The following PRDM6 variants were observed in gnomAD, a reference collection of about 807,000 sequenced individuals.
The protein encoded by PRDM6 is PR/SET domain 6, also known as putative histone-lysine N-methyltransferase PRDM6.
In PRDM6, 25 loss-of-function variants were observed where a neutral mutation model predicts 60.8. The ratio of observed to expected loss-of-function variants is 0.41; its 90% CI spans 0.30 to 0.57. The LOEUF is 0.57. PRDM6 is among the 20% of genes least tolerant of loss of function. The pLI is 0.27. For synonymous variants in PRDM6, 407 were observed against 357.4 expected (o/e 1.14, Z -1.57); for missense variants, 839 against 821.3 (o/e 1.02, Z -0.26).
At chr5:123,097,671 T>G (rs1396501616) in intron 2 of PRDM6, among the ~76,000 whole-genome samples, 3 of 152,182 alleles carry the variant, frequency 2.0e-5, no homozygotes, top group Non-Finnish European at 2.9e-5. Flanking sequence ...GTGAAGTGTG[T>G]GTGTTTCAGA....
At chr5:123,171,703 C>T (rs1456955459) in intron 6 of PRDM6, among the ~76,000 whole-genome samples, 1 of 152,054 alleles carries the variant, frequency 6.6e-6, no homozygotes, top group East Asian at 1.9e-4. Flanking sequence ...GACTAGATAC[C>T]TCAGAGTCAA....
At chr5:123,128,114 C>T (rs1436440189) in intron 3 of PRDM6, among the ~76,000 whole-genome samples, 2 of 152,192 alleles carry the variant, frequency 1.3e-5, no homozygotes, top group African/African-American at 4.8e-5. Context: ...TTTTTAATGG[C>T]TGCACAGTAT....
chr5:123,125,106 C>T (rs1182447889), intron 3 of PRDM6, among the ~76,000 whole-genome samples: 6 of 148,692 alleles, frequency 4.0e-5, no homozygotes, highest in Non-Finnish European at 8.9e-5. Flanking sequence ...TCTGAAAACC[C>T]TCCTAGTACC....
chr5:123,104,550 T>G (rs1403066188), intron 3 of PRDM6, among the ~76,000 whole-genome samples: 1 of 152,188 alleles, frequency 6.6e-6, no homozygotes, highest in Non-Finnish European at 1.5e-5. Context: ...CGCAGTTATA[T>G]TGAAGTAAAA....
chr5:123,098,236 C>T (rs1391393119), intron 2 of PRDM6, among the ~76,000 whole-genome samples: 1 of 152,262 alleles, frequency 6.6e-6, no homozygotes, highest in African/African-American at 2.4e-5. Context: ...CCACCCGCCG[C>T]CCCGCTCTGG....
intron 3 of PRDM6, among the ~76,000 whole-genome samples, chr5:123,138,781 A>G (rs938183004): frequency 3.9e-5 from 6 of 152,180 alleles, no homozygotes; most frequent in Non-Finnish European, 8.8e-5. Context: ...GAAAGAAGCT[A>G]TTGGAAATGT....
At chr5:123,096,869 C>T (rs185865545) in intron 2 of PRDM6, among the ~76,000 whole-genome samples, 1 of 152,222 alleles carries the variant, frequency 6.6e-6, no homozygotes, top group East Asian at 1.9e-4. Context: ...TAGAAGTGTG[C>T]TTTTTGTCTA....
chr5:123,094,984 C>G (rs1763925601), intron 2 of PRDM6, among the ~76,000 whole-genome samples: 2 of 152,236 alleles, frequency 1.3e-5, no homozygotes, highest in African/African-American at 4.8e-5. Flanking sequence ...GCAGAGAACG[C>G]CCAGAGCTTT....
At chr5:123,117,450 C>T (rs555625) in intron 3 of PRDM6, among the ~76,000 whole-genome samples, 138,002 of 152,224 alleles carry the variant, frequency 0.91, 62,769 homozygotes, top group East Asian at 0.99. Flanking sequence ...CTTCTACTTC[C>T]GAAAACTCTG....
At chr5:123,170,490 C>G (rs1194303359) in intron 5 of PRDM6, among the ~76,000 whole-genome samples, 1 of 152,150 alleles carries the variant, frequency 6.6e-6, no homozygotes, top group African/African-American at 2.4e-5. Flanking sequence ...ACTATGGACT[C>G]CTGTATGTCT....
chr5:123,131,564 T>A (rs950920072), intron 3 of PRDM6, among the ~76,000 whole-genome samples: 2 of 152,250 alleles, frequency 1.3e-5, no homozygotes, highest in Non-Finnish European at 2.9e-5. Context: ...TCCACCTTAA[T>A]CCTTGAATCT....
At chr5:123,155,097 C>A (rs1765463080) in intron 3 of PRDM6, among the ~76,000 whole-genome samples, 1 of 152,178 alleles carries the variant, frequency 6.6e-6, no homozygotes, top group African/African-American at 2.4e-5. Flanking sequence ...CTTTTTGTCT[C>A]ATGCTTATTG....
In PRDM6 at chr5:123,090,331, C is replaced by G; in HGVS notation, c.317C>G (p.Ala106Gly). ...GCTGCGGCCGCTGCCGCCGCGCTGG[C>G]TGGTCTCTCGGCCCTGCCGGTGTCG... is the stretch of plus-strand genomic sequence containing the variant. ...CAAAAAAAAL[A>G]GLSALPVSQL... Residue 106 changes from alanine to glycine, a missense_variant, in exon 2 of 8, where the codon GCT becomes GGT. Physicochemically the swap from Ala to Gly is moderately conservative, Grantham distance 60. This residue lies in a region of PRDM6 where 730 missense variants were observed against 648.8 expected (regional missense o/e 1.13). Coordinates refer to ENST00000407847, the MANE Select transcript of PRDM6 (RefSeq NM_001136239.4). The G allele has an allele frequency of 6.8e-7, 1 of 1,480,046 alleles. No homozygotes were observed. The highest frequency in any genetic ancestry group is 8.9e-7 in the Non-Finnish European group (1 of 1,118,866). The allele number at this position is 1,480,046 out of a possible 1,614,324, so 91.7% of individuals were successfully genotyped here. A position where few individuals can be genotyped will look rare whatever the true frequency, so the allele number is the denominator to read the frequency against.
intron 3 of PRDM6, among the ~76,000 whole-genome samples, chr5:123,110,563 T>TTC (rs1180181791): frequency 5.3e-5 from 8 of 150,092 alleles, no homozygotes; most frequent in Non-Finnish European, 8.9e-5. Flanking sequence ...ACTTTTTTTT[T>TTC]TTTTCTTTTT....
intron 5 of PRDM6, among the ~76,000 whole-genome samples, chr5:123,168,988 A>T (rs335205): frequency 6.6e-6 from 1 of 152,156 alleles, no homozygotes; most frequent in South Asian, 2.1e-4. Flanking sequence ...GCATTCTCAG[A>T]GATGATCTGT....
At chr5:123,184,488 G>T (rs1008050925) in intron 7 of PRDM6, among the ~76,000 whole-genome samples, 2 of 152,142 alleles carry the variant, frequency 1.3e-5, no homozygotes, top group Non-Finnish European at 2.9e-5. Context: ...AAGCCCCTGA[G>T]TGCAAGGGCG....
intron 3 of PRDM6, among the ~76,000 whole-genome samples, chr5:123,123,947 A>C (rs1764638371): frequency 6.6e-6 from 1 of 151,494 alleles, no homozygotes; most frequent in South Asian, 2.1e-4. Context: ...GAATATTCTG[A>C]AAAACTGGAG....
At chr5:123,159,052 T>A (rs1036549194) in intron 4 of PRDM6, among the ~76,000 whole-genome samples, 2 of 152,164 alleles carry the variant, frequency 1.3e-5, no homozygotes, top group African/African-American at 4.8e-5. Flanking sequence ...AGTCCTTATA[T>A]CACAAAGCTG....
At chr5:123,139,208 C>T (rs1346493818) in intron 3 of PRDM6, among the ~76,000 whole-genome samples, 1 of 152,168 alleles carries the variant, frequency 6.6e-6, no homozygotes, top group Non-Finnish European at 1.5e-5. Flanking sequence ...TTCTTTATAG[C>T]AGCGTGAAAA....
Sources: gnomAD v4.1 joint callset for allele counts (sites outside exome capture counted in the v4.1 genomes callset) on GRCh38, gnomAD v4.1.1 for gene constraint, gnomAD v4.1.1 regional missense constraint, MANE v1.5 for transcripts, NCBI Gene and HGNC (gene_info 2026-07-23, HGNC 2026-07-21) for gene names.